HLX: variants seen among roughly 807,000 people sequenced by gnomAD.
The protein encoded by HLX is H2.0 like homeobox.
HLX carries 6 observed loss-of-function variants against 27.7 expected under a neutral mutation model. The observed-to-expected ratio is 0.22, with a 90% CI of 0.12 to 0.43. HLX has a LOEUF of 0.43. Among genes scored for constraint, HLX ranks in the 20% least tolerant of loss-of-function variants. The pLI is 1.00. For missense variants in HLX, 666 were observed against 655.2 expected, an observed-to-expected ratio of 1.02 and a Z score of -0.18; for synonymous variants, 328 against 293.8, an observed-to-expected ratio of 1.12 and a Z score of -1.19.
rs747664632 is a variant in HLX at position 220,880,377 on chromosome 1, C to T, written c.520C>T (p.Leu174Phe). ...GSAPAPSSKD[L>F]KFGIDRILSA... The stretch of plus-strand genomic sequence containing the variant: ...TGCCCCGGCCCCCTCCAGCAAAGAC[C>T]TCAAATTTGGAATTGACCGCATTTT... The change falls in exon 1 of 4, where the codon CTC (leucine) becomes TTC (phenylalanine). Residue 174 changes from leucine (L) to phenylalanine (F), a missense_variant. Transcript: ENST00000366903. 1.2e-6 allele frequency: 2 copies of T among 1,614,190 alleles called. No homozygotes were observed. Among genetic ancestry groups the T allele is most frequent in the Non-Finnish European group, 1.7e-6 (2 of 1,180,032 alleles).
intron 3 of HLX, chr1:220,882,803 A>G (rs1256233333): frequency 1.6e-5 from 3 of 183,634 alleles, no homozygotes; most frequent in African/African-American, 2.4e-5. Flanking sequence ...TGGATTGTGA[A>G]ATCCCCAGTT....
chr1:220,879,520 G>A lies in HLX; in HGVS notation c.-338G>A, dbSNP rs953664774. 12 of 406,964 alleles carry A rather than the reference G, an allele frequency of 2.9e-5. No individual in the cohort carries two copies. Among genetic ancestry groups the A allele is most frequent in the Non-Finnish European group, 5.3e-5 (12 of 227,090 alleles). 25.2% of individuals were successfully genotyped at this position (406,964 alleles called of 1,614,324 possible). A position where few individuals can be genotyped will look rare whatever the true frequency, so the allele number is the denominator to read the frequency against. On this transcript the variant is annotated 5_prime_UTR_variant, in exon 1 of 4. Transcript: ENST00000366903. ...TTAGCTCTTAGGGCTTAGCTATTTG[G>A]GTTTTCTTGCGGTGTCCGGCTCCCG...
At chr1:220,880,619 C>T in intron 1 of HLX, 170 bp downstream of exon 1, 1 of 701,682 alleles carries the variant, frequency 1.4e-6, no homozygotes, top group Middle Eastern at 3.9e-4. Context: ...TAAAACTCAC[C>T]TGTTCTATGT....
chr1:220,880,190 G>A lies in HLX; in HGVS notation c.333G>A (p.Arg111=). ...PSEVPAGFPQ[R]LSPLSAAYHH... is the part of the protein sequence containing the mutation. ...AAGTCCCGGCTGGCTTCCCGCAGCG[G>A]CTGTCTCCGCTCTCAGCCGCCTACC... Residue 111 remains arginine, a synonymous_variant, in exon 1 of 4, where the codon CGG becomes CGA. Transcript: ENST00000366903. 1 of 1,612,076 alleles carries A rather than the reference G, an allele frequency of 6.2e-7. No individual in the cohort carries two copies. The highest frequency in any genetic ancestry group is 2.2e-5 in the East Asian group (1 of 44,844).
chr1:220,879,822 C>T lies in HLX; in HGVS notation c.-36C>T. 6.5e-7 allele frequency: 1 copy of T among 1,538,964 alleles called. No individual in the cohort carries two copies. The highest frequency in any genetic ancestry group is 1.4e-5 in the African/African-American group (1 of 72,564). On this transcript the variant is annotated 5_prime_UTR_variant, in exon 1 of 4. Coordinates refer to ENST00000366903, the MANE Select transcript of HLX (RefSeq NM_021958.4). ...CCGCGCGCCCACCCACCCAGTCCGG[C>T]TGGACTGCGGCAGCCGCGCGGCTCA...
rs990921349 is a variant in HLX at position 220,884,074 on chromosome 1, G to C, written c.958-121G>C. Reference sequence around the variant, plus strand: ...ACAGTGTCTGGTCCTTGGTAGAGTCGCCAAGTAAGCGTTGCTTTTTCACTC... The same window carrying C: ...ACAGTGTCTGGTCCTTGGTAGAGTCCCCAAGTAAGCGTTGCTTTTTCACTC... On this transcript the variant is annotated intron_variant, in intron 3 of 3. Transcript: ENST00000366903. This position sits in a 1 kb window ranked among gnomAD's most constrained non-coding sequence, Gnocchi z 4.9. 4 of 1,017,474 alleles carry C rather than the reference G, an allele frequency of 3.9e-6. No individual in the cohort carries two copies. Among genetic ancestry groups the C allele is most frequent in the Non-Finnish European group, 6.0e-6 (4 of 661,650 alleles). 63.0% of individuals were successfully genotyped at this position (1,017,474 alleles called of 1,614,324 possible).
rs763683743 is a variant in HLX at position 220,880,127 on chromosome 1, A to G, written c.270A>G (p.Arg90=). Reference sequence around the variant, plus strand: ...ACGCCTCTTTCCAAGCGGCGGCCAGATCCCCGCTTCGACCCACCCCAGTGG... The same window carrying G: ...ACGCCTCTTTCCAAGCGGCGGCCAGGTCCCCGCTTCGACCCACCCCAGTGG... The part of the protein sequence containing the change: ...HPHASFQAAA[R]SPLRPTPVVA... The change falls in exon 1 of 4, where the codon AGA becomes AGG. Residue 90 remains arginine, a synonymous_variant. Transcript: ENST00000366903. 130 of 1,604,950 alleles carry G rather than the reference A, an allele frequency of 8.1e-5. No individual in the cohort carries two copies. The highest frequency in any genetic ancestry group is 3.3e-4 in the Middle Eastern group (2 of 5,978).
Position 220,884,776 on chromosome 1 carries a change from T to C in HLX, c.*72T>C. On this transcript the variant is annotated 3_prime_UTR_variant, in exon 4 of 4. Transcript: ENST00000366903. This position sits in a 1 kb window ranked among gnomAD's most constrained non-coding sequence, Gnocchi z 4.9. ...ACCATGGGCTGGGTTTTGTGCTTACTGTATGTTGGCGACTTGGTAGGGCAG... is the reference window on the plus strand; with the variant it reads ...ACCATGGGCTGGGTTTTGTGCTTACCGTATGTTGGCGACTTGGTAGGGCAG... 1 of 1,564,454 alleles carries C rather than the reference T, an allele frequency of 6.4e-7. No individual in the cohort carries two copies. Among genetic ancestry groups the C allele is most frequent in the South Asian group, 1.2e-5 (1 of 86,790 alleles).
In HLX at chr1:220,880,330, C is replaced by A. The variant is rs1674398487; in HGVS notation, c.473C>A (p.Pro158Gln). 1 of 1,613,978 alleles carries A rather than the reference C, an allele frequency of 6.2e-7. No individual in the cohort carries two copies. Among genetic ancestry groups the A allele is most frequent in the East Asian group, 2.2e-5 (1 of 44,866 alleles). ...CCGGCCTCGGGGACGCGAGTGGTTCCGAACCCCCACCACAGTGGCTCTGCC... is the reference window on the plus strand; with the variant it reads ...CCGGCCTCGGGGACGCGAGTGGTTCAGAACCCCCACCACAGTGGCTCTGCC... ...QPPASGTRVV[P>Q]NPHHSGSAPA... The change falls in exon 1 of 4, where the codon CCG becomes CAG. Residue 158 changes from proline (P) to glutamine (Q), a missense_variant. Coordinates refer to ENST00000366903, the MANE Select transcript of HLX (RefSeq NM_021958.4).
At position 220,884,698 on chromosome 1, in the gene HLX, C is replaced by CT. The variant is rs1558117259; in HGVS notation, c.1463dup (p.Leu488PhefsTer33). Reference sequence around the variant, plus strand: ...AGCCAGCCCAAGGCGCGCTTGGCTGCTTATAGACTGTACTAGGGCGGAGGG... The same window carrying CT: ...AGCCAGCCCAAGGCGCGCTTGGCTGCTTTATAGACTGTACTAGGGCGGAGGG... On this transcript the variant is annotated frameshift_variant, in exon 4 of 4. Coordinates refer to ENST00000366903, the MANE Select transcript of HLX (RefSeq NM_021958.4). LOFTEE classifies it high-confidence loss of function. This position sits in a 1 kb window ranked among gnomAD's most constrained non-coding sequence, Gnocchi z 4.9. 6.2e-7 allele frequency: 1 copy of CT among 1,609,366 alleles called. No homozygotes were observed. Among genetic ancestry groups the CT allele is most frequent in the Non-Finnish European group, 8.5e-7 (1 of 1,179,556 alleles).
At position 220,884,326 on chromosome 1, in the gene HLX, C is replaced by G. The variant is rs750390120; in HGVS notation, c.1089C>G (p.Asp363Glu). Residue 363 changes from aspartate to glutamate, a missense_variant, in exon 4 of 4, where the codon GAC becomes GAG. By Grantham distance (45) the Asp-to-Glu change is conservative (BLOSUM62 2). Coordinates refer to ENST00000366903, the MANE Select transcript of HLX (RefSeq NM_021958.4). The surrounding 1 kb of genome is among the most constrained non-coding windows in gnomAD (Gnocchi z 4.9). Reference sequence around the variant, plus strand: ...CCCCGGCTGCGGATGGCGAGCAGGACGAGAGGAGCCCCAGCCGTTCTGAAG... The same window carrying G: ...CCCCGGCTGCGGATGGCGAGCAGGAGGAGAGGAGCCCCAGCCGTTCTGAAG... ...GGAPAADGEQ[D>E]ERSPSRSEGE... 6.2e-7 allele frequency: 1 copy of G among 1,613,614 alleles called. No homozygotes were observed.
At position 220,881,009 on chromosome 1, in the gene HLX, A is replaced by G. The variant is rs1201669619; in HGVS notation, c.593-185A>G. The G allele has an allele frequency of 1.6e-5, 10 of 633,366 alleles. No homozygotes were observed. In the East Asian group the frequency reaches 2.7e-4, roughly 17 times the overall value. The allele number at this position is 633,366 out of a possible 1,614,324, so 39.2% of individuals were successfully genotyped here. A position where few individuals can be genotyped will look rare whatever the true frequency, so the allele number is the denominator to read the frequency against. ...ATGCATATGGACGTGAGGGACACAC[A>G]GGAACTTTTCGTGCGTCGCTCCTTG... is the stretch of plus-strand genomic sequence containing the variant. On this transcript the variant is annotated intron_variant, in intron 1 of 3. Coordinates refer to ENST00000366903, the MANE Select transcript of HLX (RefSeq NM_021958.4).
At chr1:220,882,742 G>C (rs933171655) in intron 3 of HLX, 1 of 187,214 alleles carries the variant, frequency 5.3e-6, no homozygotes, top group Non-Finnish European at 1.1e-5. Context: ...TTGTTGTTGG[G>C]TTTTTTTCCC....
At chr1:220,882,143 C>T in intron 2 of HLX, 21 bp from the exon 3 acceptor site, 2 of 1,613,526 alleles carry the variant, frequency 1.2e-6, no homozygotes, top group Non-Finnish European at 1.7e-6. Context: ...TTTCTTCCCT[C>T]TGGCTCCCGT....
chr1:220,881,665 C>T (rs754812882), intron 2 of HLX: 7 of 505,470 alleles, frequency 1.4e-5, no homozygotes, highest in East Asian at 3.7e-5. Context: ...AAAAATGCAG[C>T]ATCAATGTTG....
In HLX at chr1:220,880,048, T is replaced by A. The variant is rs933430330; in HGVS notation, c.191T>A (p.Leu64Gln). Residue 64 changes from leucine (L) to glutamine (Q), a missense_variant, in exon 1 of 4, where the codon CTG becomes CAG. By Grantham distance (113) the Leu-to-Gln change is moderately radical. Transcript: ENST00000366903. ...GATCTGGGGGCGGCCCCGGAGGGCC[T>A]GGCAGGGGCCTCGGCCGCCGCCCTC... is the stretch of plus-strand genomic sequence containing the variant. ...VGDLGAAPEG[L>Q]AGASAAALTA... The A allele has an allele frequency of 5.0e-6, 8 of 1,590,348 alleles. No homozygotes were observed. Among genetic ancestry groups the A allele is most frequent in the Non-Finnish European group, 6.0e-6 (7 of 1,173,568 alleles).
At position 220,884,433 on chromosome 1, in the gene HLX, G is replaced by C. The variant is rs371016648; in HGVS notation, c.1196G>C (p.Arg399Pro). 3 of 1,614,128 alleles carry C rather than the reference G, an allele frequency of 1.9e-6. No individual in the cohort carries two copies. The highest frequency in any genetic ancestry group is 1.7e-6 in the Non-Finnish European group (2 of 1,180,030). Residue 399 changes from arginine to proline, a missense_variant, in exon 4 of 4, where the codon CGT (arginine) becomes CCT (proline). Transcript: ENST00000366903. The surrounding 1 kb of genome is among the most constrained non-coding windows in gnomAD (Gnocchi z 4.9). ...ACGGAGCGGACTGAGGGGAGTGAGC[G>C]TTCTCTGCACCAAACAACAGTTATT... ...SDTERTEGSE[R>P]SLHQTTVIKA...
At position 220,879,823 on chromosome 1, in the gene HLX, T is replaced by A. The variant is rs1674382968; in HGVS notation, c.-35T>A. ...CGCGCGCCCACCCACCCAGTCCGGC[T>A]GGACTGCGGCAGCCGCGCGGCTCAC... On this transcript the variant is annotated 5_prime_UTR_variant, in exon 1 of 4. Transcript: ENST00000366903. The A allele has an allele frequency of 6.5e-7, 1 of 1,540,030 alleles. No homozygotes were observed.
In HLX at chr1:220,880,306, C is replaced by T. The variant is rs771863466; in HGVS notation, c.449C>T (p.Pro150Leu). 3.1e-6 allele frequency: 5 copies of T among 1,613,444 alleles called. No homozygotes were observed. Among genetic ancestry groups the T allele is most frequent in the Non-Finnish European group, 4.2e-6 (5 of 1,179,576 alleles). ...CCCCGGGCTGGCGCCCTGCAGCCCC[C>T]GGCCTCGGGGACGCGAGTGGTTCCG... ...PPPRAGALQP[P>L]ASGTRVVPNP... Residue 150 changes from proline to leucine, a missense_variant, in exon 1 of 4, where the codon CCG becomes CTG. Pro to Leu is a moderately conservative substitution (Grantham distance 98). Transcript: ENST00000366903.
Sources: allele counts gnomAD v4.1 joint callset, GRCh38; gene constraint gnomAD v4.1.1; non-coding constraint Gnocchi (gnomAD v3.1); transcripts MANE v1.5; gene names NCBI Gene and HGNC (gene_info 2026-07-23, HGNC 2026-07-21).